The following JAZF1 variants were observed in gnomAD, a reference collection of about 807,000 sequenced individuals.
JAZF1 encodes juxtaposed with another zinc finger protein 1.
In JAZF1, 8 loss-of-function variants were observed where a neutral mutation model predicts 26.4. That is an observed-to-expected ratio of 0.30 (90% CI 0.18 to 0.55). The LOEUF is 0.55. JAZF1 is among the 20% of genes least tolerant of loss of function. The pLI, the probability that JAZF1 is intolerant of heterozygous loss-of-function variation, is 0.94. For missense variants in JAZF1, 199 were observed against 322.0 expected, an observed-to-expected ratio of 0.62 and a Z score of 2.92; for synonymous variants, 126 against 122.3, an observed-to-expected ratio of 1.03 and a Z score of -0.20.
At position 28,070,517 on chromosome 7, in the gene JAZF1, A is replaced by G. The variant is rs117232292; in HGVS notation, c.116-78536T>C. 3.2e-3 allele frequency among the ~76,000 whole-genome samples: 495 copies of G among 152,324 alleles called. 3 individuals carry two copies. Among genetic ancestry groups the G allele is most frequent in the Middle Eastern group, 0.017 (5 of 294 alleles). On this transcript the variant is annotated intron_variant, in intron 1 of 4. Coordinates refer to ENST00000283928, the MANE Select transcript of JAZF1 (RefSeq NM_175061.4). ...TCCAAACAGAACAGATGTTTCTGCA[A>G]AATTTTCCACCATCCAGTCACAGCA...
At chr7:28,116,855 G>A (rs61543639) in intron 1 of JAZF1, among the ~76,000 whole-genome samples, 1,940 of 151,706 alleles carry the variant, frequency 0.013, 32 homozygotes, top group African/African-American at 0.044. Flanking sequence ...ACAGAGTCTC[G>A]CTCTGTTGCC....
chr7:27,936,837 C>T (rs138603911), intron 2 of JAZF1, among the ~76,000 whole-genome samples: 135 of 152,360 alleles, frequency 8.9e-4, no homozygotes, highest in African/African-American at 3.1e-3. Context: ...ATTATCCCCT[C>T]CAGAATGAGC....
intron 3 of JAZF1, among the ~76,000 whole-genome samples, chr7:27,887,525 C>T (rs1379316421): frequency 6.6e-6 from 1 of 152,132 alleles, no homozygotes; most frequent in Admixed American, 6.5e-5. Context: ...AACTGATTCT[C>T]ATGCCTCAGC....
At chr7:28,125,653 T>A (rs1489386373) in intron 1 of JAZF1, among the ~76,000 whole-genome samples, 1 of 152,140 alleles carries the variant, frequency 6.6e-6, no homozygotes, top group African/African-American at 2.4e-5. Flanking sequence ...CATTCTGGTG[T>A]TCAAAGCACT....
chr7:28,084,016 G>T (rs1247495090), intron 1 of JAZF1, among the ~76,000 whole-genome samples: 1 of 152,056 alleles, frequency 6.6e-6, no homozygotes, highest in Non-Finnish European at 1.5e-5. Context: ...ATTATCGAAT[G>T]AGGGCAGAAG....
chr7:27,845,437 G>C (rs868509959), intron 3 of JAZF1, among the ~76,000 whole-genome samples: 1 of 152,302 alleles, frequency 6.6e-6, no homozygotes, highest in East Asian at 1.9e-4. Context: ...AGTGGCTCAC[G>C]CCTGTAATCC....
chr7:27,994,549 A>G (rs1182180766), intron 1 of JAZF1, among the ~76,000 whole-genome samples: 1 of 152,194 alleles, frequency 6.6e-6, no homozygotes, highest in East Asian at 1.9e-4. Flanking sequence ...GGTAACCAAC[A>G]AGACAGCAGA....
At chr7:28,061,192 CAGCATTCAAAAGAA>C (rs1783791406) in intron 1 of JAZF1, among the ~76,000 whole-genome samples, 1 of 152,116 alleles carries the variant, frequency 6.6e-6, no homozygotes. Context: ...TGGCCATAGC[CAGCATTCAAAAGAA>C]AACAAGGCAT....
chr7:28,007,510 A>T (rs911238694), intron 1 of JAZF1, among the ~76,000 whole-genome samples: 2 of 152,178 alleles, frequency 1.3e-5, no homozygotes, highest in Admixed American at 1.3e-4. Context: ...CGGAGGTTGC[A>T]GTGAGCCGAG....
chr7:27,973,321 T>C (rs1785412391), intron 2 of JAZF1, among the ~76,000 whole-genome samples: 1 of 152,242 alleles, frequency 6.6e-6, no homozygotes, highest in African/African-American at 2.4e-5. Flanking sequence ...TTTATTATTT[T>C]CTGAGACAGG....
At chr7:27,938,146 C>G (rs1215803353) in intron 2 of JAZF1, among the ~76,000 whole-genome samples, 1 of 152,190 alleles carries the variant, frequency 6.6e-6, no homozygotes, top group Non-Finnish European at 1.5e-5. Context: ...ATTTCACAAC[C>G]TGACCCAATC....
At chr7:28,028,704 T>C (rs1783133550) in intron 1 of JAZF1, among the ~76,000 whole-genome samples, 1 of 152,182 alleles carries the variant, frequency 6.6e-6, no homozygotes, top group African/African-American at 2.4e-5. Context: ...CTATTAAGCG[T>C]TGGTGAATAA....
At chr7:27,990,908 A>T (rs1190310476) in intron 2 of JAZF1, among the ~76,000 whole-genome samples, 3 of 152,234 alleles carry the variant, frequency 2.0e-5, no homozygotes, top group Admixed American at 1.3e-4. Flanking sequence ...GCTGATAAGC[A>T]AGAAATCCAA....
At chr7:27,997,012 A>G (rs912625176) in intron 1 of JAZF1, among the ~76,000 whole-genome samples, 1 of 152,198 alleles carries the variant, frequency 6.6e-6, no homozygotes, top group African/African-American at 2.4e-5. Flanking sequence ...CTAACCAAGG[A>G]TAGAAGAATG....
chr7:28,168,318 T>C (rs1783399728), intron 1 of JAZF1, among the ~76,000 whole-genome samples: 1 of 145,698 alleles, frequency 6.9e-6, no homozygotes, highest in South Asian at 2.1e-4. Context: ...GGAGGTGGAG[T>C]TTGCAGTGAG....
At chr7:28,174,253 T>C (rs1238147813) in intron 1 of JAZF1, among the ~76,000 whole-genome samples, 1 of 152,154 alleles carries the variant, frequency 6.6e-6, no homozygotes, top group Non-Finnish European at 1.5e-5. Flanking sequence ...GGGGTATGTA[T>C]GATTGTTGCC....
chr7:27,902,852 T>C (rs369619634), intron 2 of JAZF1, among the ~76,000 whole-genome samples: 57 of 151,924 alleles, frequency 3.8e-4, no homozygotes, highest in African/African-American at 1.3e-3. Context: ...CCATCTCTAC[T>C]AAAAATACAA....
At chr7:27,884,500 T>C (rs1783825548) in intron 3 of JAZF1, among the ~76,000 whole-genome samples, 1 of 151,692 alleles carries the variant, frequency 6.6e-6, no homozygotes, top group African/African-American at 2.4e-5. Context: ...ACAGAATATA[T>C]CCATCACTCA....
intron 1 of JAZF1, among the ~76,000 whole-genome samples, chr7:28,011,497 T>C (rs1782797844): frequency 6.6e-6 from 1 of 152,198 alleles, no homozygotes; most frequent in African/African-American, 2.4e-5. Flanking sequence ...TTTTCTTATA[T>C]TACAAGTGAG....
Sources: gnomAD v4.1 joint callset for allele counts (sites outside exome capture counted in the v4.1 genomes callset) on GRCh38, gnomAD v4.1.1 for gene constraint, MANE v1.5 for transcripts, NCBI Gene and HGNC (gene_info 2026-07-23, HGNC 2026-07-21) for gene names.